Variants in GLIS3 observed in about 807,000 individuals in gnomAD.
GLIS3 encodes the protein GLIS family zinc finger 3.
GLIS3 carries 53 observed loss-of-function variants against 78.6 expected under a neutral mutation model. The ratio of observed to expected loss-of-function variants is 0.67; its 90% CI spans 0.54 to 0.85. The LOEUF (loss-of-function observed/expected upper bound fraction) is 0.85, where lower values mean the gene tolerates loss of function less well. Among genes scored for constraint, GLIS3 ranks in the 40% least tolerant of loss-of-function variants. The probability of loss-of-function intolerance (pLI) is 0.00; values close to 1 mark genes in which losing one functional copy is unlikely to be tolerated. For missense variants in GLIS3, 1,703 were observed against 1,231.1 expected (o/e 1.38, Z -5.74); for synonymous variants, 684 against 509.9 (o/e 1.34, Z -4.60).
At chr9:4,287,281 T>A (rs1828083046) in intron 1 of GLIS3, among the ~76,000 whole-genome samples, 1 of 152,208 alleles carries the variant, frequency 6.6e-6, no homozygotes, top group Non-Finnish European at 1.5e-5. Flanking sequence ...AAAAGTGACC[T>A]GTCCAGTATG....
chr9:4,442,002 T>C, the GLIS3 span, among the ~76,000 whole-genome samples: 1 of 152,210 alleles, frequency 6.6e-6, no homozygotes, highest in Non-Finnish European at 1.5e-5. Flanking sequence ...TCTTCAGTTT[T>C]TTGGAATAGC....
intron 6 of GLIS3, among the ~76,000 whole-genome samples, chr9:3,903,637 G>A (rs1182554576): frequency 1.3e-5 from 2 of 152,064 alleles, no homozygotes; most frequent in African/African-American, 4.8e-5. Flanking sequence ...ACTGTTCTAG[G>A]GGCCAGAAAT....
At chr9:4,084,542 C>G (rs188585283) in intron 4 of GLIS3, among the ~76,000 whole-genome samples, 1 of 151,744 alleles carries the variant, frequency 6.6e-6, no homozygotes, top group Non-Finnish European at 1.5e-5. Context: ...AAGTGGGTGA[C>G]GGAGACATGG....
At chr9:4,198,466 T>C (rs1038461531) in intron 2 of GLIS3, among the ~76,000 whole-genome samples, 12 of 152,092 alleles carry the variant, frequency 7.9e-5, no homozygotes, top group Non-Finnish European at 1.6e-4. Flanking sequence ...TTTCAGAGCT[T>C]AAAAACCAGT....
At chr9:4,077,631 G>A (rs974259081) in intron 4 of GLIS3, among the ~76,000 whole-genome samples, 4 of 152,124 alleles carry the variant, frequency 2.6e-5, no homozygotes, top group African/African-American at 9.7e-5. Flanking sequence ...TTGAGACACT[G>A]GAAATCTACA....
intron 2 of GLIS3, among the ~76,000 whole-genome samples, chr9:4,274,996 G>T (rs1451023161): frequency 6.6e-6 from 1 of 152,110 alleles, no homozygotes; most frequent in Non-Finnish European, 1.5e-5. Context: ...TTCAAATAAG[G>T]CAGCCATGAA....
At chr9:4,253,694 C>T (rs369535498) in intron 2 of GLIS3, among the ~76,000 whole-genome samples, 8 of 152,308 alleles carry the variant, frequency 5.3e-5, no homozygotes, top group East Asian at 3.9e-4. Flanking sequence ...TCCGCCCAAA[C>T]GGCCGCCCAG....
chr9:4,378,514 A>ATGTAT, the GLIS3 span, among the ~76,000 whole-genome samples: 4 of 152,308 alleles, frequency 2.6e-5, no homozygotes, highest in East Asian at 7.7e-4. Context: ...TATACCAAAA[A>ATGTAT]TGTATTTATC....
the GLIS3 span, among the ~76,000 whole-genome samples, chr9:4,487,027 G>C: frequency 6.6e-6 from 1 of 152,072 alleles, no homozygotes; most frequent in Non-Finnish European, 1.5e-5. Flanking sequence ...AATGCAAAAA[G>C]TAGAAGGCAA....
the GLIS3 span, among the ~76,000 whole-genome samples, chr9:4,396,207 G>T: frequency 6.6e-6 from 1 of 150,604 alleles, no homozygotes; most frequent in African/African-American, 2.4e-5. Context: ...CTACCTCTGG[G>T]GTTTAAGCGA....
At chr9:4,039,828 T>A (rs949781659) in intron 4 of GLIS3, among the ~76,000 whole-genome samples, 2 of 152,212 alleles carry the variant, frequency 1.3e-5, no homozygotes, top group African/African-American at 4.8e-5. Flanking sequence ...CTACAGGAGT[T>A]AGAGCACTCA....
intron 2 of GLIS3, among the ~76,000 whole-genome samples, chr9:4,219,325 G>C (rs941118933): frequency 6.6e-5 from 10 of 152,204 alleles, no homozygotes; most frequent in Admixed American, 6.5e-4. Context: ...TTTTAACTTA[G>C]AACTTTTTAA....
chr9:4,397,608 T>C, the GLIS3 span, among the ~76,000 whole-genome samples: 1 of 144,128 alleles, frequency 6.9e-6, no homozygotes, highest in Non-Finnish European at 1.5e-5. Context: ...CCATTCCCCC[T>C]GCAAAGCAAT....
At chr9:4,088,036 C>T (rs1435397485) in intron 4 of GLIS3, among the ~76,000 whole-genome samples, 3 of 152,186 alleles carry the variant, frequency 2.0e-5, no homozygotes, top group Admixed American at 1.3e-4. Context: ...TTGCCATAGT[C>T]GAACTCAGCT....
chr9:4,318,698 A>G (rs1350835588), intron 2 of GLIS3, among the ~76,000 whole-genome samples: 3 of 152,240 alleles, frequency 2.0e-5, no homozygotes, highest in Non-Finnish European at 4.4e-5. Context: ...TAACAAACAT[A>G]GAAGAAATGT....
At chr9:4,446,446 G>T in the GLIS3 span, among the ~76,000 whole-genome samples, 1 of 151,586 alleles carries the variant, frequency 6.6e-6, no homozygotes, top group Non-Finnish European at 1.5e-5. Context: ...AAATTACCCA[G>T]TGTAAGGTAG....
At chr9:4,364,643 G>C in the GLIS3 span, among the ~76,000 whole-genome samples, 1 of 149,724 alleles carries the variant, frequency 6.7e-6, no homozygotes, top group Non-Finnish European at 1.5e-5. Context: ...TACTTTAACA[G>C]TGATTATTTT....
intron 9 of GLIS3, among the ~76,000 whole-genome samples, chr9:3,844,733 T>TA (rs999742143): frequency 3.3e-5 from 5 of 152,302 alleles, no homozygotes; most frequent in African/African-American, 1.2e-4. Context: ...TTAAATAATG[T>TA]AAAAACCCAG....
rs10974477 is a variant in GLIS3 at position 4,336,712 on chromosome 9, G to A, written n.264+10369C>T. 3.1e-3 allele frequency among the ~76,000 whole-genome samples: 478 copies of A among 152,276 alleles called. 5 individuals carry two copies. The highest frequency in any genetic ancestry group is 0.011 in the African/African-American group (459 of 41,546). ...CTCAAAACTATCACTTATGGGAAAC[G>A]TGCGATGTTCACTGCTCCAGAGCTC... is the stretch of plus-strand genomic sequence containing the variant. On this transcript the variant is annotated intron_variant and non_coding_transcript_variant, in intron 2 of 4. Transcript: ENST00000471664.
Sources: allele counts gnomAD v4.1 joint callset (sites outside exome capture counted in the v4.1 genomes callset), GRCh38; gene constraint gnomAD v4.1.1; transcripts MANE v1.5; gene names NCBI Gene and HGNC (gene_info 2026-07-23, HGNC 2026-07-21).